ARHGAP28: variants seen among roughly 807,000 people sequenced by gnomAD.
ARHGAP28 encodes Rho GTPase activating protein 28.
In ARHGAP28, 56 loss-of-function variants were observed where a neutral mutation model predicts 90.7. The ratio of observed to expected loss-of-function variants is 0.62; its 90% confidence interval spans 0.50 to 0.77. The LOEUF is 0.77. ARHGAP28 is among the 30% of genes least tolerant of loss of function. The pLI, the probability that ARHGAP28 is intolerant of heterozygous loss-of-function variation, is 0.00. For synonymous variants in ARHGAP28, 308 were observed against 323.3 expected (o/e 0.95, Z 0.51); for missense variants, 869 against 900.9 (o/e 0.96, Z 0.45).
intron 1 of ARHGAP28, among the ~76,000 whole-genome samples, chr18:6,776,919 G>A (rs1327827867): frequency 6.6e-6 from 1 of 152,156 alleles, no homozygotes; most frequent in African/African-American, 2.4e-5. Context: ...CGATTGGAGG[G>A]GGGATAGCGG....
intron 1 of ARHGAP28, among the ~76,000 whole-genome samples, chr18:6,739,665 CTCTCTCTT>C (rs1317411925): frequency 6.6e-6 from 1 of 151,560 alleles, no homozygotes; most frequent in Non-Finnish European, 1.5e-5. Flanking sequence ...CTCTCTCTCT[CTCTCTCTT>C]TCTTTCAGAA....
At chr18:6,854,418 G>A (rs2056935879) in intron 4 of ARHGAP28, among the ~76,000 whole-genome samples, 1 of 151,746 alleles carries the variant, frequency 6.6e-6, no homozygotes, top group Non-Finnish European at 1.5e-5. Context: ...TTTTCATCCT[G>A]GTCAGCACGT....
chr18:6,818,541 G>A (rs2056606611), intron 1 of ARHGAP28, among the ~76,000 whole-genome samples: 1 of 152,120 alleles, frequency 6.6e-6, no homozygotes, highest in Non-Finnish European at 1.5e-5. Flanking sequence ...AAGCAAATGA[G>A]TGCATGAAGT....
intron 10 of ARHGAP28, among the ~76,000 whole-genome samples, chr18:6,879,183 A>G (rs1343263918): frequency 1.3e-5 from 2 of 152,178 alleles, no homozygotes; most frequent in African/African-American, 4.8e-5. Context: ...GGTGTTTGCA[A>G]TGATTTTCTT....
At chr18:6,870,961 C>T (rs111724546) in intron 7 of ARHGAP28, among the ~76,000 whole-genome samples, 2,222 of 152,180 alleles carry the variant, frequency 0.015, 45 homozygotes, top group African/African-American at 0.051. Flanking sequence ...CCAACTTGCC[C>T]GGCTAATTTT....
intron 3 of ARHGAP28, 57 bp downstream of exon 3, chr18:6,837,471 A>C: frequency 8.4e-6 from 5 of 593,676 alleles, no homozygotes; most frequent in Non-Finnish European, 6.4e-6. Context: ...GGGATGGGGT[A>C]GGGTGGGGCT....
chr18:6,801,032 C>T (rs748778496), intron 1 of ARHGAP28, among the ~76,000 whole-genome samples: 4 of 152,222 alleles, frequency 2.6e-5, no homozygotes, highest in Admixed American at 6.5e-5. Flanking sequence ...AGTCATGGAT[C>T]GTGCTTGTTG....
Position 6,732,298 on chromosome 18 carries a change from A to G in ARHGAP28, c.122+2355A>G, listed in dbSNP as rs191923220. Among the ~76,000 whole-genome samples the G allele has an allele frequency of 5.5e-4, 83 of 152,062 alleles. 2 individuals are homozygous for G. In the East Asian group the frequency reaches 0.013, roughly 24 times the overall value. On this transcript the variant is annotated intron_variant, in intron 1 of 17. Coordinates refer to ENST00000383472, the MANE Select transcript of ARHGAP28 (RefSeq NM_001366230.1). ...AAAATGGTGGGATTTTTAACTGCCA[A>G]CCTCAACCTGTTTGCACCTCCATGG...
At chr18:6,803,160 T>C (rs1311793631) in intron 1 of ARHGAP28, among the ~76,000 whole-genome samples, 2 of 152,208 alleles carry the variant, frequency 1.3e-5, no homozygotes, top group Non-Finnish European at 2.9e-5. Context: ...ATCCAGGTCT[T>C]ATCTGTGACT....
chr18:6,752,835 G>C (rs533599496), intron 1 of ARHGAP28, among the ~76,000 whole-genome samples: 115 of 152,268 alleles, frequency 7.6e-4, no homozygotes, highest in Admixed American at 1.1e-3. Context: ...GCAGAAGTTT[G>C]GGCTTCTAAG....
intron 3 of ARHGAP28, among the ~76,000 whole-genome samples, chr18:6,841,157 T>TTCTCTCTCTCCTCTCTCTCTC (rs1411661540): frequency 1.4e-5 from 1 of 70,282 alleles, no homozygotes; most frequent in Non-Finnish European, 2.8e-5. Context: ...TCTCTCCTCT[T>TTCTCTCTCTCCTCTCTCTCTC]TCTCTCTCTC....
intron 1 of ARHGAP28, among the ~76,000 whole-genome samples, chr18:6,752,484 TTC>T (rs1190742878): frequency 2.0e-5 from 3 of 152,236 alleles, no homozygotes; most frequent in African/African-American, 4.8e-5. Flanking sequence ...TTTTTCTTGG[TTC>T]TCTTTCTCTA....
chr18:6,832,676 C>T (rs2056725270), intron 2 of ARHGAP28, among the ~76,000 whole-genome samples: 1 of 151,928 alleles, frequency 6.6e-6, no homozygotes, highest in Non-Finnish European at 1.5e-5. Context: ...GTAATATTCC[C>T]TGTCTTGAAG....
At chr18:6,735,556 T>G (rs966730336) in intron 1 of ARHGAP28, among the ~76,000 whole-genome samples, 7 of 71,824 alleles carry the variant, frequency 9.7e-5, no homozygotes, top group Admixed American at 5.3e-4. Context: ...GGTTATGCTG[T>G]TTTTTTTTTT....
rs2055857918 is a variant in ARHGAP28 at position 6,729,716 on chromosome 18, G to A, written c.-106G>A. The A allele has an allele frequency of 6.7e-6, 8 of 1,200,896 alleles. No homozygotes were observed. Among genetic ancestry groups the A allele is most frequent in the Non-Finnish European group, 7.4e-6 (7 of 942,302 alleles). 74.4% of individuals were successfully genotyped at this position (1,200,896 alleles called of 1,614,324 possible). ...CAGCCGCGGGAGAGAGCGGCTGGTCGCACCTCGGGCCGCGCCGCCCAGCTG... is the reference window on the plus strand; with the variant it reads ...CAGCCGCGGGAGAGAGCGGCTGGTCACACCTCGGGCCGCGCCGCCCAGCTG... On this transcript the variant is annotated 5_prime_UTR_variant, in exon 1 of 18. Coordinates refer to ENST00000383472, the MANE Select transcript of ARHGAP28 (RefSeq NM_001366230.1).
At chr18:6,730,002 G>A (rs1259350778) in intron 1 of ARHGAP28, 59 bp downstream of exon 1, 18 of 1,289,676 alleles carry the variant, frequency 1.4e-5, no homozygotes, top group South Asian at 2.3e-5. Context: ...GGGGTTCGCC[G>A]TGCAGCTGCG....
At chr18:6,884,378 A>G (rs2143664852) in intron 11 of ARHGAP28, among the ~76,000 whole-genome samples, 1 of 152,256 alleles carries the variant, frequency 6.6e-6, no homozygotes, top group Middle Eastern at 3.4e-3. Context: ...TGTCTCAAAA[A>G]AGAAAAAAAA....
chr18:6,874,327 C>T (rs1394855865), intron 9 of ARHGAP28, among the ~76,000 whole-genome samples: 3 of 152,178 alleles, frequency 2.0e-5, no homozygotes, highest in African/African-American at 7.2e-5. Flanking sequence ...AGATAGGATA[C>T]ATTTAGACAA....
chr18:6,887,375 C>A, intron 12 of ARHGAP28, 136 bp downstream of exon 12: 1 of 700,234 alleles, frequency 1.4e-6, no homozygotes, highest in African/African-American at 1.8e-5. Flanking sequence ...CCTTTCTGTG[C>A]TCCCACTGCC....
Sources: gnomAD v4.1 joint callset for allele counts (sites outside exome capture counted in the v4.1 genomes callset) on GRCh38, gnomAD v4.1.1 for gene constraint, MANE v1.5 for transcripts, NCBI Gene and HGNC (gene_info 2026-07-23, HGNC 2026-07-21) for gene names.